Variants in ACTR3C observed in about 807,000 individuals in gnomAD.
The protein encoded by ACTR3C is actin related protein 3C.
In ACTR3C, 18 loss-of-function variants were observed where a neutral mutation model predicts 26.3. That is an observed-to-expected ratio of 0.68 (90% CI 0.47 to 1.01). ACTR3C has a LOEUF of 1.01. ACTR3C is among the 50% of genes least tolerant of loss of function. The probability of loss-of-function intolerance (pLI) is 0.00; values close to 1 mark genes in which losing one functional copy is unlikely to be tolerated. For synonymous variants in ACTR3C, 55 were observed against 94.5 expected (o/e 0.58, Z 2.42); for missense variants, 184 against 250.7 (o/e 0.73, Z 1.80).
At chr7:150,131,187 G>A in the ACTR3C span, among the ~76,000 whole-genome samples, 1 of 152,108 alleles carries the variant, frequency 6.6e-6, no homozygotes, top group South Asian at 2.1e-4. Flanking sequence ...GAGAGGGAGA[G>A]CAGTAGAATA....
At chr7:150,053,201 A>T in the ACTR3C span, among the ~76,000 whole-genome samples, 2 of 150,086 alleles carry the variant, frequency 1.3e-5, no homozygotes, top group Non-Finnish European at 3.0e-5. Flanking sequence ...GTCCCTGGTG[A>T]TCATTTGACC....
chr7:149,959,505 T>C, the ACTR3C span, among the ~76,000 whole-genome samples: 3 of 152,146 alleles, frequency 2.0e-5, no homozygotes, highest in Non-Finnish European at 2.9e-5. Context: ...GTGACTCAAA[T>C]GGTCTAACTG....
the ACTR3C span, among the ~76,000 whole-genome samples, chr7:150,185,276 CGTGTGTGTGT>C: frequency 0.029 from 4,034 of 140,866 alleles, 38 homozygotes; most frequent in East Asian, 0.066. Context: ...AAATGTCAGG[CGTGTGTGTGT>C]GTGTGTGTGT....
intron 1 of ACTR3C, among the ~76,000 whole-genome samples, chr7:150,305,767 T>C (rs1355645655): frequency 6.6e-6 from 1 of 152,144 alleles, no homozygotes; most frequent in African/African-American, 2.4e-5. Context: ...AAGCTGAGTC[T>C]CTGCACCTCC....
chr7:149,938,585 T>A, the ACTR3C span, among the ~76,000 whole-genome samples: 1 of 151,964 alleles, frequency 6.6e-6, no homozygotes. Context: ...AAAAAAGAAA[T>A]TTTAAAAATT....
the ACTR3C span, among the ~76,000 whole-genome samples, chr7:150,048,515 T>C: frequency 6.6e-6 from 1 of 151,880 alleles, no homozygotes. Flanking sequence ...GAGCTGAGGG[T>C]TCTGCGGCCC....
the ACTR3C span, among the ~76,000 whole-genome samples, chr7:150,035,526 G>A: frequency 1.6e-5 from 2 of 127,872 alleles, no homozygotes; most frequent in East Asian, 2.2e-4. Context: ...CACTCTCGTG[G>A]GGGGTGCCTC....
the ACTR3C span, among the ~76,000 whole-genome samples, chr7:150,149,897 T>G: frequency 6.6e-6 from 1 of 152,254 alleles, no homozygotes; most frequent in Admixed American, 6.5e-5. Context: ...CATGTGGATT[T>G]TATATGTGCA....
At chr7:150,105,860 A>T in the ACTR3C span, among the ~76,000 whole-genome samples, 3 of 152,076 alleles carry the variant, frequency 2.0e-5, no homozygotes, top group Non-Finnish European at 4.4e-5. Flanking sequence ...GGGACATTTT[A>T]TGAACAGCAT....
intron 5 of ACTR3C, among the ~76,000 whole-genome samples, chr7:150,285,205 T>A (rs1835674720): frequency 6.6e-6 from 1 of 152,356 alleles, no homozygotes; most frequent in Non-Finnish European, 1.5e-5. Flanking sequence ...ACATATCATT[T>A]GACAATATTC....
At chr7:150,234,118 T>C in the ACTR3C span, among the ~76,000 whole-genome samples, 1 of 152,214 alleles carries the variant, frequency 6.6e-6, no homozygotes, top group African/African-American at 2.4e-5. Flanking sequence ...CTGTGTTTTC[T>C]GGCTCTTTTA....
chr7:150,296,404 T>C (rs1277154584), intron 1 of ACTR3C, among the ~76,000 whole-genome samples: 1 of 151,164 alleles, frequency 6.6e-6, no homozygotes. Flanking sequence ...AGATAAAAAT[T>C]CCCAAGAATT....
the ACTR3C span, among the ~76,000 whole-genome samples, chr7:150,037,532 C>T: frequency 4.6e-3 from 125 of 27,356 alleles, 7 homozygotes; most frequent in African/African-American, 0.018. Context: ...CCCACCTTCG[C>T]GGGGGGTGCC....
At chr7:149,954,961 T>A in the ACTR3C span, among the ~76,000 whole-genome samples, 3 of 152,214 alleles carry the variant, frequency 2.0e-5, no homozygotes, top group Non-Finnish European at 4.4e-5. Context: ...GGGCAGTAAA[T>A]CATATTCAAA....
chr7:150,195,549 G>A, the ACTR3C span, among the ~76,000 whole-genome samples: 2 of 152,190 alleles, frequency 1.3e-5, no homozygotes, highest in South Asian at 4.1e-4. Flanking sequence ...ATAAAATTCT[G>A]TGTTGACTCT....
the ACTR3C span, among the ~76,000 whole-genome samples, chr7:149,934,675 C>G: frequency 2.8e-4 from 42 of 149,780 alleles, 1 homozygote; most frequent in East Asian, 7.0e-3. Context: ...ACCAAGGCCT[C>G]CCTCCACTCA....
chr7:149,935,814 T>C, the ACTR3C span, among the ~76,000 whole-genome samples: 36,727 of 152,102 alleles, frequency 0.24, 5,096 homozygotes, highest in South Asian at 0.38. Flanking sequence ...ATATCTATTA[T>C]ATAAAACCTT....
At chr7:150,061,405 G>C in the ACTR3C span, among the ~76,000 whole-genome samples, 3 of 151,874 alleles carry the variant, frequency 2.0e-5, no homozygotes, top group Non-Finnish European at 4.4e-5. Flanking sequence ...TTTCAAAAAG[G>C]CATATTTTCC....
intron 1 of ACTR3C, among the ~76,000 whole-genome samples, chr7:150,315,669 A>G (rs1796795500): frequency 7.2e-6 from 1 of 139,196 alleles, no homozygotes; most frequent in South Asian, 2.2e-4. Flanking sequence ...CCTCAACAAC[A>G]CAGTTCCCCT....
Sources: gnomAD v4.1 joint callset for allele counts (sites outside exome capture counted in the v4.1 genomes callset) on GRCh38, gnomAD v4.1.1 for gene constraint, MANE v1.5 for transcripts, NCBI Gene and HGNC (gene_info 2026-07-23, HGNC 2026-07-21) for gene names.